PRKCZ: variants seen among roughly 807,000 people sequenced by gnomAD.
PRKCZ encodes protein kinase C zeta.
Under a neutral mutation model 79.5 loss-of-function variants are expected in PRKCZ, and 33 were observed. That is an observed-to-expected ratio of 0.41 (90% CI 0.31 to 0.55). The LOEUF is 0.55. Ranked by LOEUF, PRKCZ falls within the 20% of genes least tolerant of loss-of-function variation. PRKCZ has a pLI of 0.19. For synonymous variants in PRKCZ, 342 were observed against 320.9 expected, an observed-to-expected ratio of 1.07 and a Z score of -0.70; for missense variants, 578 against 813.5, an observed-to-expected ratio of 0.71 and a Z score of 3.52.
intron 4 of PRKCZ, among the ~76,000 whole-genome samples, chr1:2,114,824 G>A (rs1341829219): frequency 6.6e-6 from 1 of 152,204 alleles, no homozygotes; most frequent in Non-Finnish European, 1.5e-5. Context: ...AGGTGGAGCC[G>A]CCTGCCGTTG....
intron 1 of PRKCZ, among the ~76,000 whole-genome samples, chr1:2,051,372 G>A (rs1021649209): frequency 6.6e-6 from 1 of 152,236 alleles, no homozygotes; most frequent in South Asian, 2.1e-4. Context: ...GGTGGCGGGG[G>A]CTGCACCAGG....
chr1:2,182,785 C>T (rs1260279311), intron 16 of PRKCZ: 1 of 154,488 alleles, frequency 6.5e-6, no homozygotes, highest in Non-Finnish European at 1.5e-5. Context: ...GGAGCACACA[C>T]CTAAGGGGCG....
At chr1:2,061,334 G>A (rs757722695) in intron 4 of PRKCZ, among the ~76,000 whole-genome samples, 4 of 151,918 alleles carry the variant, frequency 2.6e-5, no homozygotes, top group African/African-American at 7.3e-5. Context: ...CTCTCTGCCC[G>A]TGTGGACAAC....
intron 4 of PRKCZ, among the ~76,000 whole-genome samples, chr1:2,062,761 T>G (rs960440800): frequency 4.6e-5 from 7 of 152,086 alleles, no homozygotes; most frequent in African/African-American, 1.7e-4. Flanking sequence ...GTGCTGGGAT[T>G]ATAGATGTGA....
At chr1:2,067,373 T>C (rs973936183) in intron 4 of PRKCZ, among the ~76,000 whole-genome samples, 1 of 152,216 alleles carries the variant, frequency 6.6e-6, no homozygotes, top group Non-Finnish European at 1.5e-5. Flanking sequence ...TGTGATGCGA[T>C]TCACCCTGTC....
intron 4 of PRKCZ, among the ~76,000 whole-genome samples, chr1:2,066,918 A>G (rs1158266002): frequency 1.3e-5 from 2 of 151,684 alleles, no homozygotes; most frequent in African/African-American, 2.4e-5. Context: ...ATCACTATAA[A>G]TTTTCTCCTT....
In PRKCZ at chr1:2,148,866, C is replaced by T. The variant is rs377676396; in HGVS notation, c.635-6C>T. ...AACGCCCCTTCCTTCCTCCCTCTCTCACCAGTTGCTTACATTTCCTCATCC... is the reference window on the plus strand; with the variant it reads ...AACGCCCCTTCCTTCCTCCCTCTCTTACCAGTTGCTTACATTTCCTCATCC... On this transcript the variant is annotated splice_region_variant and splice_polypyrimidine_tract_variant and intron_variant, in intron 7 of 17. Coordinates refer to ENST00000378567, the MANE Select transcript of PRKCZ (RefSeq NM_002744.6). 1 of 1,613,884 alleles carries T rather than the reference C, an allele frequency of 6.2e-7. No homozygotes were observed. The highest frequency in any genetic ancestry group is 1.1e-5 in the South Asian group (1 of 91,068).
chr1:2,067,220 G>A lies in PRKCZ; in HGVS notation c.334+7629G>A, dbSNP rs920720239. Among the ~76,000 whole-genome samples, 8 of 152,232 alleles carry A rather than the reference G, an allele frequency of 5.3e-5. No homozygotes were observed. The South Asian group carries it at 1.0e-3, about 20-fold the overall frequency. ...CTGTTCTGGAAAACGTCCCGTGTGC[G>A]TTGAGGGTGTGCAGCCGCTGTGGGT... is the stretch of plus-strand genomic sequence containing the variant. On this transcript the variant is annotated intron_variant, in intron 4 of 17. Coordinates refer to ENST00000378567, the MANE Select transcript of PRKCZ (RefSeq NM_002744.6).
At position 2,135,279 on chromosome 1, in the gene PRKCZ, G is replaced by A. The variant is rs1389962521; in HGVS notation, c.352G>A (p.Gly118Arg). 1 of 1,613,090 alleles carries A rather than the reference G, an allele frequency of 6.2e-7. No individual in the cohort carries two copies. The highest frequency in any genetic ancestry group is 2.2e-5 in the East Asian group (1 of 44,868). ...PGEDKSIYRR[G>R]ARRWRKLYRA... ...CTTTCCAGAATCTATCTACCGCCGG[G>A]GAGCCAGAAGATGGAGGAAGCTGTA... is the stretch of plus-strand genomic sequence containing the variant. Residue 118 changes from glycine (G) to arginine (R), a missense_variant, in exon 5 of 18, where the codon GGA (glycine) becomes AGA (arginine). By Grantham distance (125) the Gly-to-Arg change is moderately radical (BLOSUM62 -2). Coordinates refer to ENST00000378567, the MANE Select transcript of PRKCZ (RefSeq NM_002744.6).
At chr1:2,067,805 G>T (rs979685278) in intron 4 of PRKCZ, among the ~76,000 whole-genome samples, 3 of 152,188 alleles carry the variant, frequency 2.0e-5, no homozygotes, top group African/African-American at 7.2e-5. Flanking sequence ...CACAGAAATG[G>T]TATGTGTGAT....
At chr1:2,050,121 G>C (rs982651621), upstream of PRKCZ, 7 of 151,922 alleles carry the variant, frequency 4.6e-5, no homozygotes, top group African/African-American at 1.7e-4. Context: ...CGTTTCCAGC[G>C]AGTTCCCGGG....
At chr1:2,113,755 C>G (rs972601894) in intron 4 of PRKCZ, among the ~76,000 whole-genome samples, 1 of 152,074 alleles carries the variant, frequency 6.6e-6, no homozygotes, top group African/African-American at 2.4e-5. Flanking sequence ...ACAGAGGACT[C>G]ATGGGGCAGA....
In PRKCZ at chr1:2,124,332, CGGT is replaced by C. The variant is rs1352925620; in HGVS notation, c.335-10923_335-10921del. On this transcript the variant is annotated intron_variant, in intron 4 of 17. Coordinates refer to ENST00000378567, the MANE Select transcript of PRKCZ (RefSeq NM_002744.6). ...AGGGTCACGGTGGTGGTTAGGGTCA[CGGT>C]GGTGGTTAGGGTCACGGCGGTGGTT... Among the ~76,000 whole-genome samples the C allele has an allele frequency of 8.4e-4, 2 of 2,374 alleles. 1 individual carries two copies. The highest frequency in any genetic ancestry group is 3.0e-3 in the African/African-American group (2 of 660). 1.6% of individuals were successfully genotyped at this position (2,374 alleles called of 152,430 possible). A position where few individuals can be genotyped will look rare whatever the true frequency, so the allele number is the denominator to read the frequency against.
At chr1:2,143,459 G>A (rs553538105) in intron 5 of PRKCZ, 1 of 152,376 alleles carries the variant, frequency 6.6e-6, no homozygotes, top group Non-Finnish European at 1.5e-5. Flanking sequence ...GAGGCTCTGG[G>A]CACATGGTGA....
In PRKCZ at chr1:2,109,832, G is replaced by A. The variant is rs550350878; in HGVS notation, c.335-25430G>A. 1.5e-4 allele frequency among the ~76,000 whole-genome samples: 23 copies of A among 152,310 alleles called. 1 individual carries two copies. The South Asian group carries it at 3.5e-3, about 23-fold the overall frequency. On this transcript the variant is annotated intron_variant, in intron 4 of 17. Coordinates refer to ENST00000378567, the MANE Select transcript of PRKCZ (RefSeq NM_002744.6). ...TTTTGTGGTGTCGGTGGTGGGAGCC[G>A]CCGGGGAAAGCCGTCATCCTGGAGC...
chr1:2,173,144 C>T lies in PRKCZ; in HGVS notation c.1286-753C>T, dbSNP rs1684794063. Among the ~76,000 whole-genome samples, 1 of 152,208 alleles carries T rather than the reference C, an allele frequency of 6.6e-6. No homozygotes were observed. Among genetic ancestry groups the T allele is most frequent in the Admixed American group, 6.5e-5 (1 of 15,280 alleles). On this transcript the variant is annotated intron_variant, in intron 13 of 17. Coordinates refer to ENST00000378567, the MANE Select transcript of PRKCZ (RefSeq NM_002744.6). This position sits in a 1 kb window ranked among gnomAD's most constrained non-coding sequence, Gnocchi z 5.7. ...TTTTCAATGAGGCATGCATGGTGTG[C>T]CTTCAGACATTTTTACACATTTTTT...
At chr1:2,167,504 G>A (rs1480465573) in intron 10 of PRKCZ, among the ~76,000 whole-genome samples, 1 of 152,184 alleles carries the variant, frequency 6.6e-6, no homozygotes, top group Non-Finnish European at 1.5e-5. Flanking sequence ...GCTCCTCTCG[G>A]GGGGACAGGT....
At chr1:2,114,749 G>A (rs1464651191) in intron 4 of PRKCZ, among the ~76,000 whole-genome samples, 1 of 152,096 alleles carries the variant, frequency 6.6e-6, no homozygotes, top group African/African-American at 2.4e-5. Flanking sequence ...ACTCCAGCCT[G>A]GTGACAGAGC....
chr1:2,102,087 C>G (rs1275474980), intron 4 of PRKCZ, among the ~76,000 whole-genome samples: 1 of 152,084 alleles, frequency 6.6e-6, no homozygotes, highest in African/African-American at 2.4e-5. Context: ...ACCGCTCCTA[C>G]CCAGTAGCAG....
Sources: gnomAD v4.1 joint callset for allele counts (sites outside exome capture counted in the v4.1 genomes callset) on GRCh38, gnomAD v4.1.1 for gene constraint, Gnocchi (gnomAD v3.1) non-coding constraint, MANE v1.5 for transcripts, NCBI Gene and HGNC (gene_info 2026-07-23, HGNC 2026-07-21) for gene names.